Variants in NEK11 observed in about 807,000 individuals in gnomAD.
NEK11 encodes the protein serine/threonine-protein kinase Nek11.
NEK11 carries 72 observed loss-of-function variants against 80.7 expected under a neutral mutation model. That is an observed-to-expected ratio of 0.89 (90% confidence interval 0.74 to 1.08). The LOEUF is 1.08. NEK11 is among the 50% of genes least tolerant of loss of function. NEK11 has a pLI of 0.00. For missense variants in NEK11, 764 were observed against 763.6 expected (o/e 1.00, Z -0.01); for synonymous variants, 251 against 260.7 (o/e 0.96, Z 0.36).
intron 16 of NEK11, 47 bp downstream of exon 16, chr3:131,243,543 T>C: frequency 6.9e-7 from 1 of 1,459,296 alleles, no homozygotes; most frequent in Non-Finnish European, 9.6e-7. Flanking sequence ...AGCTACTGAT[T>C]ATCTTGGAAT....
intron 4 of NEK11, among the ~76,000 whole-genome samples, chr3:131,088,445 C>T (rs1053683076): frequency 6.6e-6 from 1 of 152,036 alleles, no homozygotes; most frequent in Non-Finnish European, 1.5e-5. Context: ...AAAAGAAATG[C>T]ACTAATGCAC....
rs1008251786 is a variant in NEK11 at position 131,184,171 on chromosome 3, T to C, written c.1399+13284T>C. Among the ~76,000 whole-genome samples the C allele has an allele frequency of 1.4e-4, 22 of 152,300 alleles. 1 individual carries two copies. In the South Asian group the frequency reaches 4.3e-3, roughly 30 times the overall value. On this transcript the variant is annotated intron_variant, in intron 14 of 17. Transcript: ENST00000383366. The stretch of plus-strand genomic sequence containing the variant: ...CATTATATTGGCAATATTCATTGAT[T>C]CAAAAATGTCAGAGGAAGTACTCAC...
chr3:131,295,823 G>A (rs916599818), intron 17 of NEK11, among the ~76,000 whole-genome samples: 1 of 152,006 alleles, frequency 6.6e-6, no homozygotes, highest in Non-Finnish European at 1.5e-5. Flanking sequence ...ACTAATCCAA[G>A]TTTACTTTCC....
chr3:131,245,148 T>A (rs1163006137), intron 16 of NEK11, among the ~76,000 whole-genome samples: 2 of 152,130 alleles, frequency 1.3e-5, no homozygotes, highest in African/African-American at 4.8e-5. Context: ...TATCCATATG[T>A]ACACATTATT....
At chr3:131,152,000 A>G (rs1169495852) in intron 7 of NEK11, among the ~76,000 whole-genome samples, 1 of 152,192 alleles carries the variant, frequency 6.6e-6, no homozygotes, top group Non-Finnish European at 1.5e-5. Flanking sequence ...TTTTGCATAT[A>G]TAAAATTATC....
chr3:131,165,958 T>C (rs2092179567), intron 12 of NEK11, among the ~76,000 whole-genome samples: 1 of 152,238 alleles, frequency 6.6e-6, no homozygotes, highest in Non-Finnish European at 1.5e-5. Flanking sequence ...GTGTTAATAA[T>C]TTCATTCAAA....
At chr3:131,339,007 A>G (rs1004443981) in intron 17 of NEK11, among the ~76,000 whole-genome samples, 27 of 152,046 alleles carry the variant, frequency 1.8e-4, no homozygotes, top group Non-Finnish European at 1.5e-4. Flanking sequence ...AATTTAAAAA[A>G]TATATAAAAA....
intron 3 of NEK11, among the ~76,000 whole-genome samples, chr3:131,069,638 T>C (rs1428116323): frequency 2.6e-5 from 4 of 151,674 alleles, no homozygotes; most frequent in African/African-American, 4.9e-5. Context: ...CATGGAATAC[T>C]ATGCAGCCAT....
intron 17 of NEK11, among the ~76,000 whole-genome samples, chr3:131,278,443 A>G (rs1561341656): frequency 6.6e-6 from 1 of 152,222 alleles, no homozygotes; most frequent in Non-Finnish European, 1.5e-5. Context: ...ATGGATAGGT[A>G]GGTGGATGGA....
chr3:131,181,766 A>AAAAAG (rs572008326), intron 14 of NEK11, among the ~76,000 whole-genome samples: 1 of 150,388 alleles, frequency 6.6e-6, no homozygotes, highest in Non-Finnish European at 1.5e-5. Flanking sequence ...AAAAAAAAAA[A>AAAAAG]GAAAAGATAA....
chr3:131,121,055 G>T (rs549509164), intron 5 of NEK11, among the ~76,000 whole-genome samples: 1 of 152,340 alleles, frequency 6.6e-6, no homozygotes, highest in Non-Finnish European at 1.5e-5. Context: ...TGGAGGAGAA[G>T]AGGTGCTCTG....
chr3:131,327,180 G>A (rs974480845), intron 17 of NEK11: 12 of 152,254 alleles, frequency 7.9e-5, no homozygotes, highest in Admixed American at 6.5e-5. Context: ...TGCTTACCTG[G>A]GATTCCACAA....
intron 14 of NEK11, among the ~76,000 whole-genome samples, chr3:131,184,139 T>G (rs1450569249): frequency 6.6e-6 from 1 of 152,208 alleles, no homozygotes; most frequent in Non-Finnish European, 1.5e-5. Flanking sequence ...TAAAAACATG[T>G]ATTTTCCATT....
At chr3:131,344,330 T>C (rs2097330539) in intron 17 of NEK11, among the ~76,000 whole-genome samples, 1 of 152,214 alleles carries the variant, frequency 6.6e-6, no homozygotes, top group African/African-American at 2.4e-5. Flanking sequence ...AATAAGTTCC[T>C]CATTTCCATC....
chr3:131,150,240 T>G (rs1030151987), intron 7 of NEK11, among the ~76,000 whole-genome samples: 1 of 152,074 alleles, frequency 6.6e-6, no homozygotes, highest in African/African-American at 2.4e-5. Context: ...TTTATGGCCC[T>G]GTATATTGTC....
Position 131,348,078 on chromosome 3 carries a change from A to G in NEK11, c.1719-1479A>G, listed in dbSNP as rs2097392857. ...TTTATCATTTAATCAAGCACAACAT[A>G]TATTTACTCTTTTCTCTGTTCTTCA... On this transcript the variant is annotated intron_variant, in intron 17 of 17. Coordinates refer to ENST00000383366, the MANE Select transcript of NEK11 (RefSeq NM_024800.5). Among the ~76,000 whole-genome samples, 4 of 152,160 alleles carry G rather than the reference A, an allele frequency of 2.6e-5. No homozygotes were observed. In the South Asian group the frequency reaches 8.3e-4, roughly 32 times the overall value.
chr3:131,304,698 G>A (rs549853516), intron 17 of NEK11, among the ~76,000 whole-genome samples: 1 of 152,302 alleles, frequency 6.6e-6, no homozygotes, highest in Admixed American at 6.5e-5. Flanking sequence ...ACCAGTGCCT[G>A]AGCTTTGTTC....
At chr3:131,240,142 A>G (rs1226854322) in intron 15 of NEK11, among the ~76,000 whole-genome samples, 1 of 152,016 alleles carries the variant, frequency 6.6e-6, no homozygotes, top group African/African-American at 2.4e-5. Flanking sequence ...TGGATAGTGG[A>G]GGAGGGAAGA....
rs531726388 is a variant in NEK11, at chr3:131,266,456, G to A, written c.1622-7022G>A. On this transcript the variant is annotated intron_variant, in intron 16 of 17. Transcript: ENST00000383366. ...GAACTTATTTATTTCCGCCTATTTC[G>A]TTATTTACCCAGTAGTCATTCAGGA... 3.9e-5 allele frequency among the ~76,000 whole-genome samples: 6 copies of A among 152,082 alleles called. No homozygotes were observed. In the East Asian group the frequency reaches 5.8e-4, roughly 15 times the overall value.
Sources: gnomAD v4.1 joint callset for allele counts (sites outside exome capture counted in the v4.1 genomes callset) on GRCh38, gnomAD v4.1.1 for gene constraint, MANE v1.5 for transcripts, NCBI Gene and HGNC (gene_info 2026-07-23, HGNC 2026-07-21) for gene names.